BAZ2B: variants seen among roughly 807,000 people sequenced by gnomAD.
The protein encoded by BAZ2B is bromodomain adjacent to zinc finger domain protein 2B.
Under a neutral mutation model 246.0 loss-of-function variants are expected in BAZ2B, and 91 were observed. The ratio of observed to expected loss-of-function variants is 0.37; its 90% CI spans 0.31 to 0.44. BAZ2B has a LOEUF of 0.44. BAZ2B is among the 20% of genes least tolerant of loss of function. The pLI is 1.00. For missense variants in BAZ2B, 2,332 were observed against 2,533.7 expected, an observed-to-expected ratio of 0.92 and a Z score of 1.71; for synonymous variants, 855 against 860.0, an observed-to-expected ratio of 0.99 and a Z score of 0.10.
intron 1 of BAZ2B, among the ~76,000 whole-genome samples, chr2:159,561,444 A>G (rs1028112686): frequency 7.9e-5 from 12 of 152,200 alleles, no homozygotes; most frequent in African/African-American, 2.9e-4. Context: ...CAGAACTGTT[A>G]GCTTAATAAA....
chr2:159,366,134 C>CGAG, intron 27 of BAZ2B, among the ~76,000 whole-genome samples: 1 of 152,270 alleles, frequency 6.6e-6, no homozygotes, highest in East Asian at 1.9e-4. Context: ...GTGTAAAACT[C>CGAG]TACTCAACTT....
chr2:159,707,629 C>T, the BAZ2B span, among the ~76,000 whole-genome samples: 22 of 151,956 alleles, frequency 1.4e-4, 1 homozygote, highest in South Asian at 2.7e-3. Context: ...AGTTCAAGAC[C>T]GGCCTGAATA....
the BAZ2B span, among the ~76,000 whole-genome samples, chr2:159,629,569 C>T: frequency 6.6e-6 from 1 of 151,768 alleles, no homozygotes; most frequent in Non-Finnish European, 1.5e-5. Context: ...CAAACTAACA[C>T]AAGAACAGAA....
At chr2:159,366,542 C>T (rs2060233986) in intron 27 of BAZ2B, among the ~76,000 whole-genome samples, 1 of 152,340 alleles carries the variant, frequency 6.6e-6, no homozygotes, top group East Asian at 1.9e-4. Context: ...AGGATACAAG[C>T]TTTCATTACT....
chr2:159,629,489 C>T, the BAZ2B span, among the ~76,000 whole-genome samples: 1 of 152,084 alleles, frequency 6.6e-6, no homozygotes, highest in African/African-American at 2.4e-5. Context: ...GAATACTATG[C>T]GGCCATATAA....
intron 3 of BAZ2B, 85 bp downstream of exon 3, chr2:159,478,490 A>T: frequency 7.2e-7 from 1 of 1,394,246 alleles, no homozygotes; most frequent in East Asian, 2.5e-5. Flanking sequence ...AAGTCATGAG[A>T]ATATTTTATT....
chr2:159,608,163 C>T (rs2151801748), intron 1 of BAZ2B, among the ~76,000 whole-genome samples: 1 of 152,212 alleles, frequency 6.6e-6, no homozygotes, highest in East Asian at 1.9e-4. Flanking sequence ...TTGTTTGAGT[C>T]CAGGAGTTCA....
Position 159,432,855 on chromosome 2 carries a change from C to A in BAZ2B, c.1802G>T (p.Ser601Ile). 1 of 1,614,134 alleles carries A rather than the reference C, an allele frequency of 6.2e-7. No individual in the cohort carries two copies. The highest frequency in any genetic ancestry group is 8.5e-7 in the Non-Finnish European group (1 of 1,180,010). The change falls in exon 9 of 37, where the codon AGT (serine) becomes ATT (isoleucine). Residue 601 changes from serine (S) to isoleucine (I), a missense_variant. By Grantham distance (142) the Ser-to-Ile change is moderately radical. Coordinates refer to ENST00000392783, the MANE Select transcript of BAZ2B (RefSeq NM_013450.4). ...CTCATTTGAATCTTCAGAATCTTTA[C>A]TACTGGGAATGTCTGAATCTGTTCC... ...FRGTDSDIPS[S>I]KDSEDSNEDE...
chr2:159,405,124 A>G lies in BAZ2B; in HGVS notation c.2678-10T>C. ...GCTTGCCTGGCTATTTCTGAAAAAC[A>G]CAAAATTTCAAAGAATATTAACAAC... is the stretch of plus-strand genomic sequence containing the variant. On this transcript the variant is annotated splice_polypyrimidine_tract_variant and intron_variant, in intron 14 of 36. Coordinates refer to ENST00000392783, the MANE Select transcript of BAZ2B (RefSeq NM_013450.4). 1 of 1,612,804 alleles carries G rather than the reference A, an allele frequency of 6.2e-7. No individual in the cohort carries two copies. Among genetic ancestry groups the G allele is most frequent in the East Asian group, 2.2e-5 (1 of 44,854 alleles).
chr2:159,531,149 T>C (rs914583370), intron 2 of BAZ2B, among the ~76,000 whole-genome samples: 5 of 152,198 alleles, frequency 3.3e-5, no homozygotes, highest in African/African-American at 1.2e-4. Flanking sequence ...GAGTTTTACC[T>C]GTAACTAAAG....
intron 8 of BAZ2B, among the ~76,000 whole-genome samples, chr2:159,436,644 G>A (rs569453552): frequency 1.6e-4 from 24 of 152,252 alleles, no homozygotes; most frequent in African/African-American, 5.1e-4. Context: ...CCAGCTACTC[G>A]GGAGGCTGAG....
At chr2:159,532,491 C>A (rs1014667004) in intron 2 of BAZ2B, among the ~76,000 whole-genome samples, 5 of 152,142 alleles carry the variant, frequency 3.3e-5, no homozygotes, top group African/African-American at 1.2e-4. Context: ...TGGCCTCAAA[C>A]TGCGGAAATA....
chr2:159,510,906 C>T (rs1264164913), intron 2 of BAZ2B, among the ~76,000 whole-genome samples: 2 of 152,064 alleles, frequency 1.3e-5, no homozygotes, highest in Non-Finnish European at 2.9e-5. Context: ...CTTTTGACAT[C>T]TCTGGTTTTT....
intron 2 of BAZ2B, among the ~76,000 whole-genome samples, chr2:159,518,484 C>T (rs1483375970): frequency 6.6e-6 from 1 of 152,134 alleles, no homozygotes; most frequent in Admixed American, 6.5e-5. Context: ...GTCCAAGAAA[C>T]CACAGAGCTC....
intron 16 of BAZ2B, among the ~76,000 whole-genome samples, 197 bp from the exon 17 acceptor site, chr2:159,400,861 A>C (rs1280915472): frequency 2.0e-5 from 3 of 152,112 alleles, no homozygotes; most frequent in African/African-American, 7.2e-5. Context: ...TAACACAGTG[A>C]AACCTCGTCT....
chr2:159,663,414 G>T, the BAZ2B span, among the ~76,000 whole-genome samples: 4 of 151,430 alleles, frequency 2.6e-5, no homozygotes, highest in Admixed American at 2.0e-4. Flanking sequence ...TGTTGGTCAG[G>T]CTGGTCTCAA....
the BAZ2B span, among the ~76,000 whole-genome samples, chr2:159,630,339 C>T: frequency 6.6e-6 from 1 of 151,940 alleles, no homozygotes; most frequent in South Asian, 2.1e-4. Flanking sequence ...ACCAAAAAAA[C>T]AAAATACAAT....
chr2:159,501,689 C>T (rs543244806), intron 2 of BAZ2B, among the ~76,000 whole-genome samples: 2 of 152,168 alleles, frequency 1.3e-5, no homozygotes, highest in South Asian at 4.1e-4. Context: ...ACTGTCTGTA[C>T]TTTAAATGAT....
At position 159,608,243 on chromosome 2, in the gene BAZ2B, G is replaced by A. The variant is rs551004235; in HGVS notation, c.-46+7999C>T. On this transcript the variant is annotated intron_variant, in intron 1 of 36. Coordinates refer to ENST00000392783, the MANE Select transcript of BAZ2B (RefSeq NM_013450.4). ...ACAAAAATTAGCCAGGCATGGCAGC[G>A]TAAGCCTGTAGTCCCAGCTACTTGG... 1.2e-3 allele frequency among the ~76,000 whole-genome samples: 176 copies of A among 152,280 alleles called. No homozygotes were observed. In the South Asian group the frequency reaches 0.013, roughly 12 times the overall value.
Sources: gnomAD v4.1 joint callset for allele counts (sites outside exome capture counted in the v4.1 genomes callset) on GRCh38, gnomAD v4.1.1 for gene constraint, MANE v1.5 for transcripts, NCBI Gene and HGNC (gene_info 2026-07-23, HGNC 2026-07-21) for gene names.